Variants in GRID1 observed in about 807,000 individuals in gnomAD.
GRID1 encodes glutamate ionotropic receptor delta type subunit 1.
Under a neutral mutation model 98.0 loss-of-function variants are expected in GRID1, and 28 were observed. The observed-to-expected ratio is 0.29, with a 90% confidence interval of 0.21 to 0.39. GRID1 has a LOEUF of 0.39. Among genes scored for constraint, GRID1 ranks in the 10% least tolerant of loss-of-function variants. The probability of loss-of-function intolerance (pLI) is 1.00; values close to 1 mark genes in which losing one functional copy is unlikely to be tolerated. For missense variants in GRID1, 1,111 were observed against 1,340.5 expected (o/e 0.83, Z 2.67); for synonymous variants, 553 against 538.5 (o/e 1.03, Z -0.37).
intron 8 of GRID1, among the ~76,000 whole-genome samples, chr10:85,737,647 T>TAG (rs1841897131): frequency 1.9e-5 from 1 of 52,724 alleles, no homozygotes; most frequent in Non-Finnish European, 3.1e-5. Context: ...TAAAGCCAGA[T>TAG]ATATATATAT....
chr10:86,212,843 G>A (rs2132024100), intron 2 of GRID1, among the ~76,000 whole-genome samples: 1 of 152,296 alleles, frequency 6.6e-6, no homozygotes, highest in Admixed American at 6.5e-5. Context: ...TTGATCTATG[G>A]AGAATAAATA....
At chr10:85,757,380 C>G (rs759315024) in intron 8 of GRID1, among the ~76,000 whole-genome samples, 2 of 152,202 alleles carry the variant, frequency 1.3e-5, no homozygotes, top group Non-Finnish European at 2.9e-5. Context: ...GATCTGATGC[C>G]CAATCTGCAC....
chr10:85,723,736 C>T (rs1313019741), intron 11 of GRID1, among the ~76,000 whole-genome samples: 4 of 152,152 alleles, frequency 2.6e-5, no homozygotes, highest in African/African-American at 9.7e-5. Flanking sequence ...ATTATTTCTC[C>T]TTGGTCTCTA....
chr10:85,706,611 C>T (rs1841521875), intron 12 of GRID1, among the ~76,000 whole-genome samples: 2 of 152,148 alleles, frequency 1.3e-5, no homozygotes, highest in Admixed American at 6.5e-5. Flanking sequence ...GAAAAAACTA[C>T]TTTAAAGTTC....
At chr10:86,161,140 TGGCCGTCCAACCCC>T (rs1181758507) in intron 3 of GRID1, among the ~76,000 whole-genome samples, 1 of 152,182 alleles carries the variant, frequency 6.6e-6, no homozygotes, top group African/African-American at 2.4e-5. Context: ...TCCCACACCC[TGGCCGTCCAACCCC>T]GGTGACCCAA....
chr10:86,131,409 G>A (rs983903633), intron 4 of GRID1, among the ~76,000 whole-genome samples: 1 of 152,158 alleles, frequency 6.6e-6, no homozygotes, highest in Non-Finnish European at 1.5e-5. Flanking sequence ...GGCCAAAGGG[G>A]CTACCTGCTA....
rs778681237 is a variant in GRID1, at chr10:85,869,042, C to G, written c.919G>C (p.Asp307His). The G allele has an allele frequency of 5.0e-6, 8 of 1,613,816 alleles. No individual in the cohort carries two copies. Among genetic ancestry groups the G allele is most frequent in the African/African-American group, 1.3e-5 (1 of 74,884 alleles). ...ATCTGGAGGTAGCCTTCCTGGGGGT[C>G]GCAGAGCAGGGAGGAGATGCGGTGG... ...NNHRISSLLCDPQEGYLQMLQ... is the reference protein window; with the variant it reads ...NNHRISSLLCHPQEGYLQMLQ... Residue 307 changes from aspartate to histidine, a missense_variant, in exon 6 of 16, where the codon GAC (aspartate) becomes CAC (histidine). Transcript: ENST00000327946.
At chr10:86,115,804 CAT>C (rs1219327546) in intron 4 of GRID1, among the ~76,000 whole-genome samples, 1 of 152,232 alleles carries the variant, frequency 6.6e-6, no homozygotes, top group Non-Finnish European at 1.5e-5. Flanking sequence ...GAGGCCAAAA[CAT>C]GTGTACGATC....
intron 8 of GRID1, among the ~76,000 whole-genome samples, chr10:85,833,611 A>G (rs1842888180): frequency 6.6e-6 from 1 of 152,168 alleles, no homozygotes; most frequent in African/African-American, 2.4e-5. Context: ...AACTAGGAAA[A>G]CCACAACTTG....
At chr10:86,317,317 C>A (rs1324735627) in intron 2 of GRID1, among the ~76,000 whole-genome samples, 1 of 152,248 alleles carries the variant, frequency 6.6e-6, no homozygotes, top group Non-Finnish European at 1.5e-5. Flanking sequence ...CCCCCTTCCC[C>A]ACTCTGAGCA....
intron 12 of GRID1, among the ~76,000 whole-genome samples, chr10:85,663,538 C>G (rs902699763): frequency 1.3e-5 from 2 of 152,146 alleles, no homozygotes; most frequent in African/African-American, 4.8e-5. Context: ...GTTCACAGTA[C>G]CCCTAAGAAA....
intron 2 of GRID1, among the ~76,000 whole-genome samples, chr10:86,213,676 C>T (rs1305528670): frequency 6.6e-6 from 1 of 152,138 alleles, no homozygotes; most frequent in East Asian, 1.9e-4. Flanking sequence ...GAACACTAAG[C>T]CCGGCCCTAT....
chr10:86,189,900 C>G (rs1164707441), intron 3 of GRID1, among the ~76,000 whole-genome samples: 1 of 152,252 alleles, frequency 6.6e-6, no homozygotes, highest in Admixed American at 6.5e-5. Context: ...GCTTTCCAGG[C>G]CCTTCTCTTT....
chr10:85,771,291 G>C lies in GRID1; in HGVS notation c.1234-41677C>G, dbSNP rs564927138. Among the ~76,000 whole-genome samples the C allele has an allele frequency of 3.2e-3, 483 of 152,192 alleles. 3 individuals are homozygous for C. The highest frequency in any genetic ancestry group is 0.011 in the African/African-American group (445 of 41,524). ...AAATGCTGAGAGATTTTGTCACCAC[G>C]AGGCCTGCCCTGAAAGAGCTCCTGA... On this transcript the variant is annotated intron_variant, in intron 8 of 15. Coordinates refer to ENST00000327946, the MANE Select transcript of GRID1 (RefSeq NM_017551.3).
intron 4 of GRID1, among the ~76,000 whole-genome samples, chr10:86,043,487 G>A (rs1843376474): frequency 1.3e-5 from 2 of 152,162 alleles, no homozygotes; most frequent in African/African-American, 2.4e-5. Flanking sequence ...GCTCTCCTGC[G>A]GGCCTGTTGC....
At chr10:86,102,261 C>A (rs1452757097) in intron 4 of GRID1, among the ~76,000 whole-genome samples, 1 of 152,240 alleles carries the variant, frequency 6.6e-6, no homozygotes, top group Non-Finnish European at 1.5e-5. Flanking sequence ...GAAGGCAGGT[C>A]AGGAGGCTGA....
intron 12 of GRID1, among the ~76,000 whole-genome samples, chr10:85,657,851 G>A (rs1004924629): frequency 1.3e-5 from 2 of 152,162 alleles, no homozygotes; most frequent in African/African-American, 4.8e-5. Flanking sequence ...GAATTCTCCT[G>A]GGATACAGCC....
intron 3 of GRID1, among the ~76,000 whole-genome samples, chr10:86,152,487 G>A (rs1456056118): frequency 1.3e-5 from 2 of 152,248 alleles, no homozygotes; most frequent in Non-Finnish European, 2.9e-5. Context: ...CCCGCTCTGC[G>A]CCCGAGAGCC....
chr10:86,309,800 C>T (rs7084960), intron 2 of GRID1, among the ~76,000 whole-genome samples: 28,220 of 152,172 alleles, frequency 0.19, 2,979 homozygotes, highest in African/African-American at 0.28. Context: ...GTCCAATTAG[C>T]ACACAAAGGT....
Sources: gnomAD v4.1 joint callset for allele counts (sites outside exome capture counted in the v4.1 genomes callset) on GRCh38, gnomAD v4.1.1 for gene constraint, MANE v1.5 for transcripts, NCBI Gene and HGNC (gene_info 2026-07-23, HGNC 2026-07-21) for gene names.